CHST9: variants seen among roughly 807,000 people sequenced by gnomAD.
CHST9 encodes the protein GalNAc-4-sulfotransferase 2.
In CHST9, 41 loss-of-function variants were observed where a neutral mutation model predicts 44.4. That is an observed-to-expected ratio of 0.92 (90% confidence interval 0.72 to 1.20). CHST9 has a LOEUF of 1.20. Among genes scored for constraint, CHST9 ranks in the 50% most tolerant of loss-of-function variants. CHST9 has a pLI of 0.00. For missense variants in CHST9, 504 were observed against 516.5 expected, an observed-to-expected ratio of 0.98 and a Z score of 0.23; for synonymous variants, 171 against 178.4, an observed-to-expected ratio of 0.96 and a Z score of 0.33.
chr18:26,960,452 C>G (rs1373838126), intron 4 of CHST9, among the ~76,000 whole-genome samples: 1 of 152,160 alleles, frequency 6.6e-6, no homozygotes, highest in Non-Finnish European at 1.5e-5. Flanking sequence ...AGCTTAAGTT[C>G]TCACTGGTTG....
At chr18:26,998,739 CAAAA>C (rs11480705) in intron 4 of CHST9, among the ~76,000 whole-genome samples, 1 of 114,124 alleles carries the variant, frequency 8.8e-6, no homozygotes, top group African/African-American at 3.1e-5. Context: ...ACAACAACAA[CAAAA>C]AAAAAAAAAA....
chr18:27,113,488 T>TC (rs1041581307), intron 2 of CHST9, among the ~76,000 whole-genome samples: 1 of 152,162 alleles, frequency 6.6e-6, no homozygotes, highest in African/African-American at 2.4e-5. Context: ...AATGTTTGTG[T>TC]CCCCCTAATA....
chr18:27,113,038 A>C (rs1422050723), intron 2 of CHST9, among the ~76,000 whole-genome samples: 2 of 152,000 alleles, frequency 1.3e-5, no homozygotes, highest in African/African-American at 4.8e-5. Flanking sequence ...AAATACAAAA[A>C]ATTAGCCGGG....
chr18:27,017,567 T>A (rs1033935132), intron 4 of CHST9, among the ~76,000 whole-genome samples: 1 of 152,124 alleles, frequency 6.6e-6, no homozygotes, highest in East Asian at 1.9e-4. Flanking sequence ...TGGTGAAATA[T>A]GTAAGAAGTG....
chr18:26,993,324 G>A (rs780083473), intron 4 of CHST9, among the ~76,000 whole-genome samples: 38 of 152,114 alleles, frequency 2.5e-4, no homozygotes, highest in Admixed American at 1.5e-3. Flanking sequence ...AAATTAAAGA[G>A]AATTGAAACC....
Position 26,914,670 on chromosome 18 carries a change from G to A in CHST9, c.*1589C>T, listed in dbSNP as rs912482083. 14 of 348,456 alleles carry A rather than the reference G, an allele frequency of 4.0e-5. No homozygotes were observed. The highest frequency in any genetic ancestry group is 1.9e-4 in the African/African-American group (9 of 47,582). The allele number at this position is 348,456 out of a possible 1,614,324, so 21.6% of individuals were successfully genotyped here. A position where few individuals can be genotyped will look rare whatever the true frequency, so the allele number is the denominator to read the frequency against. The stretch of plus-strand genomic sequence containing the variant: ...CCTTAGGAGACACAGATGGGACACG[G>A]CAGGTGTGTGTAAGGAGCGAAGCAA... On this transcript the variant is annotated 3_prime_UTR_variant, in exon 6 of 6. Coordinates refer to ENST00000618847, the MANE Select transcript of CHST9 (RefSeq NM_031422.6).
intron 1 of CHST9, among the ~76,000 whole-genome samples, chr18:27,145,392 C>T (rs2058603782): frequency 6.6e-6 from 1 of 152,170 alleles, no homozygotes; most frequent in South Asian, 2.1e-4. Flanking sequence ...CCATGTTGGC[C>T]AGGCTGGTCT....
At position 27,037,130 on chromosome 18, in the gene CHST9, T is replaced by G. The variant is rs796967335; in HGVS notation, c.160+11335A>C. Among the ~76,000 whole-genome samples, 19 of 152,296 alleles carry G rather than the reference T, an allele frequency of 1.2e-4. 1 individual carries two copies. The highest frequency in any genetic ancestry group is 4.3e-4 in the African/African-American group (18 of 41,576). ...GCTCATACAAATTCTGAAGTCAAAT[T>G]GTTTTTAAAAATCTAAATTGGTCAC... On this transcript the variant is annotated intron_variant, in intron 3 of 5. Coordinates refer to ENST00000618847, the MANE Select transcript of CHST9 (RefSeq NM_031422.6).
intron 1 of CHST9, among the ~76,000 whole-genome samples, chr18:27,152,828 T>A (rs1178218387): frequency 1.3e-5 from 2 of 152,112 alleles, no homozygotes; most frequent in Non-Finnish European, 2.9e-5. Context: ...ATTTGGGTGG[T>A]CATATCTAAG....
At chr18:27,159,388 T>C (rs1352508345) in intron 1 of CHST9, among the ~76,000 whole-genome samples, 1 of 152,228 alleles carries the variant, frequency 6.6e-6, no homozygotes, top group East Asian at 1.9e-4. Context: ...TTTCTTGTTT[T>C]TGTCAGGTTT....
chr18:27,145,999 GAAGA>G (rs2058609168), intron 1 of CHST9, among the ~76,000 whole-genome samples: 2 of 152,146 alleles, frequency 1.3e-5, no homozygotes, highest in Admixed American at 6.5e-5. Flanking sequence ...TTGTTTACAA[GAAGA>G]AAGAGACTTT....
intron 2 of CHST9, among the ~76,000 whole-genome samples, chr18:27,079,362 G>C (rs951176148): frequency 6.6e-6 from 1 of 152,066 alleles, no homozygotes; most frequent in Non-Finnish European, 1.5e-5. Flanking sequence ...GTGTTATAAA[G>C]TATAGGATAT....
chr18:26,920,506 C>G (rs1190517948), intron 5 of CHST9, among the ~76,000 whole-genome samples: 1 of 152,134 alleles, frequency 6.6e-6, no homozygotes, highest in Non-Finnish European at 1.5e-5. Flanking sequence ...GTCTTTTTCA[C>G]CCCACTCTAC....
intron 1 of CHST9, among the ~76,000 whole-genome samples, chr18:27,157,633 C>A (rs2143915650): frequency 6.6e-6 from 1 of 152,178 alleles, no homozygotes; most frequent in Admixed American, 6.6e-5. Context: ...GCGCTTAAGG[C>A]ATTTTCAAAA....
At chr18:26,997,905 G>T (rs1598625560) in intron 4 of CHST9, among the ~76,000 whole-genome samples, 1 of 152,158 alleles carries the variant, frequency 6.6e-6, no homozygotes, top group Non-Finnish European at 1.5e-5. Flanking sequence ...ATTAATTTTT[G>T]CCACAAAGCA....
chr18:27,026,831 T>C lies in CHST9; in HGVS notation c.161-2674A>G, dbSNP rs77588834. Reference sequence around the variant, plus strand: ...CTCACATCCAGTATATCTGTTCTTATATTGTGTTTAGAAGATTGAAAAAGA... The same window carrying C: ...CTCACATCCAGTATATCTGTTCTTACATTGTGTTTAGAAGATTGAAAAAGA... On this transcript the variant is annotated intron_variant, in intron 3 of 5. Transcript: ENST00000618847. Among the ~76,000 whole-genome samples, 783 of 152,352 alleles carry C rather than the reference T, an allele frequency of 5.1e-3. 6 individuals carry two copies. Among genetic ancestry groups the C allele is most frequent in the African/African-American group, 0.018 (755 of 41,576 alleles).
chr18:27,003,542 A>C (rs1325170018), intron 4 of CHST9, among the ~76,000 whole-genome samples: 4 of 152,116 alleles, frequency 2.6e-5, no homozygotes, highest in South Asian at 2.1e-4. Flanking sequence ...ATAATATAGA[A>C]AGATTTTTTC....
At chr18:26,947,107 G>T (rs2056175472) in intron 4 of CHST9, among the ~76,000 whole-genome samples, 1 of 152,088 alleles carries the variant, frequency 6.6e-6, no homozygotes, top group African/African-American at 2.4e-5. Context: ...CATTACTTTG[G>T]GCAGTGTGGC....
intron 1 of CHST9, among the ~76,000 whole-genome samples, chr18:27,157,168 T>C (rs2058703809): frequency 6.6e-6 from 1 of 152,118 alleles, no homozygotes; most frequent in Admixed American, 6.6e-5. Flanking sequence ...TGTTAATGAT[T>C]AGCAGTCAAT....
Sources: allele counts gnomAD v4.1 joint callset (sites outside exome capture counted in the v4.1 genomes callset), GRCh38; gene constraint gnomAD v4.1.1; transcripts MANE v1.5; gene names NCBI Gene and HGNC (gene_info 2026-07-23, HGNC 2026-07-21).